Variants in ZNF687 observed in about 807,000 individuals in gnomAD.
ZNF687 encodes the protein zinc finger protein 687.
In ZNF687, 13 loss-of-function variants were observed where a neutral mutation model predicts 71.8. The observed-to-expected ratio is 0.18, with a 90% CI of 0.12 to 0.29. ZNF687 has a LOEUF of 0.29. ZNF687 is among the 10% of genes least tolerant of loss of function. ZNF687 has a pLI of 1.00. For missense variants in ZNF687, 1,412 were observed against 1,625.6 expected (o/e 0.87, Z 2.26); for synonymous variants, 673 against 641.6 (o/e 1.05, Z -0.74).
In ZNF687 at chr1:151,291,718, T is replaced by G. The variant is rs1229757190; in HGVS notation, c.*509T>G. 2.0e-5 allele frequency: 3 copies of G among 152,336 alleles called. No individual in the cohort carries two copies. The highest frequency in any genetic ancestry group is 4.4e-5 in the Non-Finnish European group (3 of 68,286). 9.4% of individuals were successfully genotyped at this position (152,336 alleles called of 1,614,324 possible). A position where few individuals can be genotyped will look rare whatever the true frequency, so the allele number is the denominator to read the frequency against. On this transcript the variant is annotated 3_prime_UTR_variant, in exon 9 of 9. Coordinates refer to ENST00000336715, the MANE Select transcript of ZNF687 (RefSeq NM_020832.3). ...CCCCTGCAGTGCCTTTCACTTCTTT[T>G]TTTCCCCAGAAATCCGGGGCGGGGG...
chr1:151,284,671 A>G (rs191867502), intron 1 of ZNF687, among the ~76,000 whole-genome samples: 141 of 151,694 alleles, frequency 9.3e-4, no homozygotes, highest in East Asian at 1.9e-3. Context: ...CCTTGACCTG[A>G]CATGTCCTTG....
chr1:151,288,972 C>T (rs1694074802), intron 3 of ZNF687, 123 bp from the exon 4 acceptor site: 2 of 1,143,250 alleles, frequency 1.7e-6, no homozygotes, highest in South Asian at 1.5e-5. Context: ...CTCCACCCTG[C>T]TCATGCTCCA....
At chr1:151,284,197 C>T (rs1173796640) in intron 1 of ZNF687, 1 of 985,192 alleles carries the variant, frequency 1.0e-6, no homozygotes. Context: ...GAGCTTGGAG[C>T]AGAAATGATG....
rs752734599 is a variant in ZNF687, at chr1:151,287,121, A to G, written c.830A>G (p.Lys277Arg). 5 of 1,614,022 alleles carry G rather than the reference A, an allele frequency of 3.1e-6. No homozygotes were observed. The highest frequency in any genetic ancestry group is 1.1e-5 in the South Asian group (1 of 91,084). ...CACCAGAGCCCTCTTGCCTCCCCCA[A>G]AGTGCCCGTCTGTCAGCCCTTGAAG... Reference protein sequence around the residue: ...PGHQSPLASPKVPVCQPLKEE... With the variant: ...PGHQSPLASPRVPVCQPLKEE... Residue 277 changes from lysine (K) to arginine (R), a missense_variant, in exon 2 of 9, where the codon AAA (lysine) becomes AGA (arginine). This residue lies in a region of ZNF687 where 490 missense variants were observed against 489.9 expected (regional missense o/e 1.00). Transcript: ENST00000336715. This position sits in a 1 kb window ranked among gnomAD's most constrained non-coding sequence, Gnocchi z 5.0.
In ZNF687 at chr1:151,286,386, A is replaced by G. The variant is rs1306284129; in HGVS notation, c.95A>G (p.Glu32Gly). 6.2e-7 allele frequency: 1 copy of G among 1,612,480 alleles called. No homozygotes were observed. Among genetic ancestry groups the G allele is most frequent in the East Asian group, 2.2e-5 (1 of 44,892 alleles). ...DANEAIHSGP[E>G]ENEGPGGPGK... ...AATGAAGCCATCCATTCTGGGCCAG[A>G]AGAAAATGAGGGGCCTGGAGGCCCA... The change falls in exon 2 of 9, where the codon GAA (glutamate) becomes GGA (glycine). Residue 32 changes from glutamate to glycine, a missense_variant. Glu to Gly is a moderately conservative substitution (Grantham distance 98, BLOSUM62 -2). Coordinates refer to ENST00000336715, the MANE Select transcript of ZNF687 (RefSeq NM_020832.3).
chr1:151,286,535 G>C lies in ZNF687; in HGVS notation c.244G>C (p.Val82Leu). ...CCTGCCACCGCCAGACATTTCTGTA[G>C]TCAGTGTCATTGTCAAGAACACTGT... ...HGLPPPDISV[V>L]SVIVKNTVCP... Residue 82 changes from valine (V) to leucine (L), a missense_variant, in exon 2 of 9, where the codon GTC (valine) becomes CTC (leucine). By Grantham distance (32) the Val-to-Leu change is conservative (BLOSUM62 1). This residue lies in a region of ZNF687 where 490 missense variants were observed against 489.9 expected (regional missense o/e 1.00). Transcript: ENST00000336715. 2 of 1,614,210 alleles carry C rather than the reference G, an allele frequency of 1.2e-6. No individual in the cohort carries two copies. Among genetic ancestry groups the C allele is most frequent in the Non-Finnish European group, 8.5e-7 (1 of 1,180,036 alleles).
chr1:151,289,230 C>T lies in ZNF687; in HGVS notation c.2430C>T (p.His810=), dbSNP rs200654117. 1.2e-6 allele frequency: 2 copies of T among 1,614,118 alleles called. No homozygotes were observed. Among genetic ancestry groups the T allele is most frequent in the East Asian group, 2.2e-5 (1 of 44,886 alleles). Residue 810 remains histidine, a synonymous_variant, in exon 4 of 9, where the codon CAC becomes CAT. Transcript: ENST00000336715. ...AFKSGPSAHA[H]LYSQHPSFQT... is the part of the protein sequence containing the mutation. ...AGTCTGGGCCAAGTGCCCATGCCCACCTCTACTCCCAGCATCCCAGCTTCC... is the reference window on the plus strand; with the variant it reads ...AGTCTGGGCCAAGTGCCCATGCCCATCTCTACTCCCAGCATCCCAGCTTCC...
In ZNF687 at chr1:151,287,241, A is replaced by G. The variant is rs764321766; in HGVS notation, c.950A>G (p.Asn317Ser). 5 of 1,614,184 alleles carry G rather than the reference A, an allele frequency of 3.1e-6. No homozygotes were observed. The highest frequency in any genetic ancestry group is 3.3e-5 in the Admixed American group (2 of 60,024). Residue 317 changes from asparagine (N) to serine (S), a missense_variant, in exon 2 of 9, where the codon AAT (asparagine) becomes AGT (serine). Physicochemically the swap from Asn to Ser is conservative, Grantham distance 46. Around this residue, in one of 8 missense-constraint regions of ZNF687, gnomAD observed 490 missense variants for 489.9 expected, o/e 1.00. Coordinates refer to ENST00000336715, the MANE Select transcript of ZNF687 (RefSeq NM_020832.3). The surrounding 1 kb of genome is among the most constrained non-coding windows in gnomAD (Gnocchi z 5.0). ...GCCGAGGCTGCAGATGAGGACAGCA[A>G]TGACTCCCCTGCCTCCAGCTCCTCT... ...SGAEAADEDS[N>S]DSPASSSSRP...
At chr1:151,281,666 G>T (rs1161697368), upstream of ZNF687, 1 of 461,118 alleles carries the variant, frequency 2.2e-6, no homozygotes, top group Middle Eastern at 3.3e-4. Flanking sequence ...CCATCCATCA[G>T]ATTATATGGC....
chr1:151,289,363 C>A lies in ZNF687; in HGVS notation c.2472-15C>A, dbSNP rs760934190. On this transcript the variant is annotated splice_polypyrimidine_tract_variant and intron_variant, in intron 4 of 8. Coordinates refer to ENST00000336715, the MANE Select transcript of ZNF687 (RefSeq NM_020832.3). Reference sequence around the variant, plus strand: ...CACCCAACCCTGCCTGATGTCTGCACTGTCCTCACTTCAGGCTGATCTACA... The same window carrying A: ...CACCCAACCCTGCCTGATGTCTGCAATGTCCTCACTTCAGGCTGATCTACA... 1.9e-6 allele frequency: 3 copies of A among 1,614,016 alleles called. No individual in the cohort carries two copies. In the African/African-American group the frequency reaches 4.0e-5, roughly 22 times the overall value.
At chr1:151,289,068 C>A (rs776571772) in intron 3 of ZNF687, 27 bp from the exon 4 acceptor site, 2 of 1,610,350 alleles carry the variant, frequency 1.2e-6, no homozygotes, top group Non-Finnish European at 1.7e-6. Flanking sequence ...TCCCACCTCA[C>A]CACAGGGCCT....
chr1:151,282,207 G>C, upstream of ZNF687: 1 of 1,056,340 alleles, frequency 9.5e-7, no homozygotes, highest in Non-Finnish European at 1.2e-6. Flanking sequence ...GAGCGACGGG[G>C]GCAAGGGCCA....
In ZNF687 at chr1:151,287,152, AGAT is replaced by A. The variant is rs760899845; in HGVS notation, c.870_872del (p.Asp290del). The A allele has an allele frequency of 3.6e-5, 58 of 1,614,024 alleles. 1 individual carries two copies. Among genetic ancestry groups the A allele is most frequent in the South Asian group, 7.7e-5 (7 of 91,084 alleles). On this transcript the variant is annotated inframe_deletion, in exon 2 of 9. Transcript: ENST00000336715. The surrounding 1 kb of genome is among the most constrained non-coding windows in gnomAD (Gnocchi z 5.0). Reference sequence around the variant, plus strand: ...CCGTCTGTCAGCCCTTGAAGGAAGAAGATGATGATGAGGGGCCAGTGGACAAGT... The same window carrying A: ...CCGTCTGTCAGCCCTTGAAGGAAGAAGATGATGAGGGGCCAGTGGACAAGT...
At chr1:151,283,272 C>T (rs1693803015) in intron 1 of ZNF687, 1 of 985,302 alleles carries the variant, frequency 1.0e-6, no homozygotes, top group African/African-American at 1.7e-5. Context: ...TAATCGCCGC[C>T]AGCCCCTCGC....
upstream of ZNF687, chr1:151,282,035 C>T: frequency 7.8e-7 from 1 of 1,274,698 alleles, no homozygotes; most frequent in Non-Finnish European, 1.0e-6. Flanking sequence ...GTTTACGAGA[C>T]TCGTAGATGG....
In ZNF687 at chr1:151,291,016, A is replaced by C. The variant is rs1220269145; in HGVS notation, c.3521A>C (p.Asp1174Ala). The change falls in exon 9 of 9, where the codon GAT (aspartate) becomes GCT (alanine). Residue 1174 changes from aspartate to alanine, a missense_variant. This residue lies in a region of ZNF687 where 284 missense variants were observed against 359.2 expected (regional missense o/e 0.79). Coordinates refer to ENST00000336715, the MANE Select transcript of ZNF687 (RefSeq NM_020832.3). Reference sequence around the variant, plus strand: ...AAAGCCAGTGCCCTGGGGCTGGGGGATGGGGAGGAAGAGGCCCCTCCATCA... The same window carrying C: ...AAAGCCAGTGCCCTGGGGCTGGGGGCTGGGGAGGAAGAGGCCCCTCCATCA... ...VGKASALGLG[D>A]GEEEAPPSRS... is the part of the protein sequence containing the mutation. 1.2e-5 allele frequency: 19 copies of C among 1,613,602 alleles called. No individual in the cohort carries two copies. The highest frequency in any genetic ancestry group is 1.5e-5 in the Non-Finnish European group (18 of 1,179,958).
In ZNF687 at chr1:151,291,463, C is replaced by G; in HGVS notation, c.*254C>G. 2.3e-6 allele frequency: 1 copy of G among 432,778 alleles called. No homozygotes were observed. Among genetic ancestry groups the G allele is most frequent in the Non-Finnish European group, 4.1e-6 (1 of 242,268 alleles). 26.8% of individuals were successfully genotyped at this position (432,778 alleles called of 1,614,324 possible). On this transcript the variant is annotated 3_prime_UTR_variant, in exon 9 of 9. Transcript: ENST00000336715. ...GCCCAACACTAATTAATTTTATGCT[C>G]CTGCTGCAGAACCCCCAGTGTGGGC...
chr1:151,287,118 C>G lies in ZNF687; in HGVS notation c.827C>G (p.Pro276Arg), dbSNP rs1693984359. The change falls in exon 2 of 9, where the codon CCC becomes CGC. Residue 276 changes from proline to arginine, a missense_variant. By Grantham distance (103) the Pro-to-Arg change is moderately radical. This residue lies in a region of ZNF687 where 490 missense variants were observed against 489.9 expected (regional missense o/e 1.00). Coordinates refer to ENST00000336715, the MANE Select transcript of ZNF687 (RefSeq NM_020832.3). This position sits in a 1 kb window ranked among gnomAD's most constrained non-coding sequence, Gnocchi z 5.0. ...SPGHQSPLAS[P>R]KVPVCQPLKE... The stretch of plus-strand genomic sequence containing the variant: ...GGGCACCAGAGCCCTCTTGCCTCCC[C>G]CAAAGTGCCCGTCTGTCAGCCCTTG... 11 of 1,614,050 alleles carry G rather than the reference C, an allele frequency of 6.8e-6. No individual in the cohort carries two copies. The highest frequency in any genetic ancestry group is 8.5e-6 in the Non-Finnish European group (10 of 1,180,024).
chr1:151,287,206 C>G lies in ZNF687; in HGVS notation c.915C>G (p.Pro305=). Reference sequence around the variant, plus strand: ...CTTCCCCAGGAAGTCCCCAGAGTCCCTCTAGTGGGGCCGAGGCTGCAGATG... The same window carrying G: ...CTTCCCCAGGAAGTCCCCAGAGTCCGTCTAGTGGGGCCGAGGCTGCAGATG... ...DKSSPGSPQS[P]SSGAEAADED... The change falls in exon 2 of 9, where the codon CCC becomes CCG. Residue 305 remains proline, a synonymous_variant. Coordinates refer to ENST00000336715, the MANE Select transcript of ZNF687 (RefSeq NM_020832.3). The surrounding 1 kb of genome is among the most constrained non-coding windows in gnomAD (Gnocchi z 5.0). The G allele has an allele frequency of 1.2e-6, 2 of 1,614,178 alleles. No homozygotes were observed. The highest frequency in any genetic ancestry group is 1.7e-6 in the Non-Finnish European group (2 of 1,180,016).
Sources: allele counts gnomAD v4.1 joint callset (sites outside exome capture counted in the v4.1 genomes callset), GRCh38; gene constraint gnomAD v4.1.1; regional missense constraint gnomAD v4.1.1; non-coding constraint Gnocchi (gnomAD v3.1); transcripts MANE v1.5; gene names NCBI Gene and HGNC (gene_info 2026-07-23, HGNC 2026-07-21).